The following FGF13 variants were observed in gnomAD, a reference collection of about 807,000 sequenced individuals.
FGF13 encodes the protein fibroblast growth factor homologous factor 2.
A neutral mutation model predicts 19.5 loss-of-function variants in FGF13; 2 were observed. The ratio of observed to expected loss-of-function variants is 0.10; its 90% confidence interval spans 0.04 to 0.32. The LOEUF (loss-of-function observed/expected upper bound fraction) is 0.32. FGF13 is among the 10% of genes least tolerant of loss of function. The pLI is 1.00. For synonymous variants in FGF13, 72 were observed against 76.9 expected, an observed-to-expected ratio of 0.94 and a Z score of 0.33; for missense variants, 113 against 192.7, an observed-to-expected ratio of 0.59 and a Z score of 2.45.
At chrX:138,754,242 T>C (rs1365202000) in intron 3 of FGF13, among the ~76,000 whole-genome samples, 1 of 111,888 alleles carries the variant, frequency 8.9e-6, no homozygotes, top group African/African-American at 3.2e-5. Context: ...ATTCAGTGTA[T>C]GCATATAAAG....
At chrX:139,185,521 C>A (rs1285065070) in intron 1 of FGF13, among the ~76,000 whole-genome samples, 1 of 111,580 alleles carries the variant, frequency 9.0e-6, no homozygotes, top group Non-Finnish European at 1.9e-5. Context: ...CATGAGAAGA[C>A]CATATTGCTA....
chrX:138,743,616 C>T (rs2090334518), upstream of FGF13, among the ~76,000 whole-genome samples: 1 of 110,895 alleles, frequency 9.0e-6, no homozygotes, highest in Non-Finnish European at 1.9e-5. Flanking sequence ...GGGAGGCCAT[C>T]CAGGGAATCA....
chrX:138,837,361 A>G (rs1384690585), intron 3 of FGF13, among the ~76,000 whole-genome samples: 2 of 111,434 alleles, frequency 1.8e-5, no homozygotes, highest in East Asian at 5.7e-4. Flanking sequence ...CAGCCAGAGA[A>G]CACCATTAGG....
At chrX:139,087,231 G>A (rs2124446152) in intron 1 of FGF13, among the ~76,000 whole-genome samples, 1 of 110,848 alleles carries the variant, frequency 9.0e-6, no homozygotes, top group Admixed American at 9.6e-5. Flanking sequence ...GGGAGGCAGA[G>A]GTTGCAGTGA....
intron 1 of FGF13, among the ~76,000 whole-genome samples, chrX:139,081,005 C>T (rs2083366721): frequency 9.0e-6 from 1 of 111,079 alleles, no homozygotes; most frequent in African/African-American, 3.3e-5. Context: ...ACTACGCATT[C>T]TCCCTCCTCC....
chrX:138,987,965 T>C (rs1041261114), intron 1 of FGF13, among the ~76,000 whole-genome samples: 5 of 112,249 alleles, frequency 4.5e-5, no homozygotes, highest in African/African-American at 1.6e-4. Flanking sequence ...AAACAGCCCA[T>C]TGTTTTATTG....
At chrX:138,883,835 T>C (rs2091439477) in intron 1 of FGF13, among the ~76,000 whole-genome samples, 1 of 111,728 alleles carries the variant, frequency 9.0e-6, no homozygotes, top group African/African-American at 3.3e-5. Flanking sequence ...AAAACAAAGA[T>C]TTGGCTTGAA....
chrX:139,091,049 C>CA lies in FGF13; in HGVS notation c.-113+112366dup, dbSNP rs201291929. 8.0e-3 allele frequency among the ~76,000 whole-genome samples: 868 copies of CA among 108,332 alleles called. 9 individuals are homozygous for CA. Among genetic ancestry groups the CA allele is most frequent in the African/African-American group, 0.027 (807 of 29,541 alleles). The allele number at this position is 108,332 out of a possible 115,157, so 94.1% of individuals were successfully genotyped here. A position where few individuals can be genotyped will look rare whatever the true frequency, so the allele number is the denominator to read the frequency against. On this transcript the variant is annotated intron_variant, in intron 1 of 2. Coordinates refer to the FGF13 transcript ENST00000421460. ...TTGAGAGAACTGGGGTGTCAAGATG[C>CA]AAAAAAAGCAGAGGCTATCTCTTGC...
chrX:139,047,835 T>G (rs974109707), intron 1 of FGF13, among the ~76,000 whole-genome samples: 3 of 111,945 alleles, frequency 2.7e-5, no homozygotes, highest in African/African-American at 9.7e-5. Flanking sequence ...CAAATGAATG[T>G]TTCAACAAAT....
At chrX:138,635,748 T>C in intron 3 of FGF13, 93 bp from the exon 4 acceptor site, 1 of 667,870 alleles carries the variant, frequency 1.5e-6, no homozygotes. Flanking sequence ...GATTAAGACA[T>C]ACTTTGTAAA....
intron 1 of FGF13, among the ~76,000 whole-genome samples, chrX:139,001,114 G>C (rs184664564): frequency 1.8e-5 from 2 of 111,835 alleles, no homozygotes; most frequent in African/African-American, 6.5e-5. Context: ...AATGGTGCTG[G>C]GAAAACTGGC....
intron 3 of FGF13, among the ~76,000 whole-genome samples, chrX:138,640,008 T>A: frequency 9.1e-6 from 1 of 109,953 alleles, no homozygotes; most frequent in Middle Eastern, 4.6e-3. Flanking sequence ...AAAAAAAAAA[T>A]TCTTATCAGT....
At chrX:138,803,721 G>C (rs2090846111) in intron 3 of FGF13, among the ~76,000 whole-genome samples, 1 of 112,282 alleles carries the variant, frequency 8.9e-6, no homozygotes, top group African/African-American at 3.2e-5. Flanking sequence ...TGTCATTGTA[G>C]GGAATCTCTT....
intron 3 of FGF13, among the ~76,000 whole-genome samples, chrX:138,641,525 A>C (rs767219728): frequency 8.9e-6 from 1 of 112,575 alleles, no homozygotes; most frequent in Admixed American, 9.4e-5. Flanking sequence ...TAATGAAATT[A>C]ATATGCAGAT....
intron 1 of FGF13, among the ~76,000 whole-genome samples, chrX:139,050,461 A>G (rs778187724): frequency 6.2e-5 from 7 of 112,104 alleles, no homozygotes; most frequent in Non-Finnish European, 1.3e-4. Context: ...AATACAGCCA[A>G]ATATCAAAAG....
chrX:138,960,874 C>G (rs892298022), intron 1 of FGF13, among the ~76,000 whole-genome samples: 5 of 111,585 alleles, frequency 4.5e-5, no homozygotes, highest in Non-Finnish European at 9.4e-5. Flanking sequence ...CATTTAAGGT[C>G]TTCTCTATGC....
intron 1 of FGF13, among the ~76,000 whole-genome samples, chrX:138,718,825 A>C (rs1461531072): frequency 8.9e-6 from 1 of 112,100 alleles, no homozygotes; most frequent in Non-Finnish European, 1.9e-5. Context: ...CTTCTGCTTT[A>C]GATTTGTTTT....
chrX:139,112,727 TG>T (rs2083612314), intron 1 of FGF13, among the ~76,000 whole-genome samples: 1 of 112,065 alleles, frequency 8.9e-6, no homozygotes, highest in African/African-American at 3.2e-5. Flanking sequence ...ATAGGCCAGT[TG>T]TAAGAATCCA....
chrX:138,641,011 G>A (rs1013474733), intron 3 of FGF13, among the ~76,000 whole-genome samples: 2 of 111,626 alleles, frequency 1.8e-5, no homozygotes, highest in Non-Finnish European at 3.8e-5. Flanking sequence ...GAACAACAGA[G>A]GGTACTGAAG....
Sources: gnomAD v4.1 joint callset for allele counts (sites outside exome capture counted in the v4.1 genomes callset) on GRCh38, gnomAD v4.1.1 for gene constraint, MANE v1.5 for transcripts, NCBI Gene and HGNC (gene_info 2026-07-23, HGNC 2026-07-21) for gene names.